The following USP25 variants were observed in gnomAD, a reference collection of about 807,000 sequenced individuals.
USP25 encodes the protein ubiquitin specific peptidase 25, also known as ubiquitin carboxyl-terminal hydrolase 25.
Under a neutral mutation model 158.5 loss-of-function variants are expected in USP25, and 85 were observed. The observed-to-expected ratio is 0.54, with a 90% confidence interval of 0.45 to 0.64. The LOEUF is 0.64. USP25 is among the 30% of genes least tolerant of loss of function. USP25 has a pLI of 0.00. For synonymous variants in USP25, 464 were observed against 460.4 expected, an observed-to-expected ratio of 1.01 and a Z score of -0.10; for missense variants, 1,242 against 1,327.3, an observed-to-expected ratio of 0.94 and a Z score of 1.00.
intron 1 of USP25, among the ~76,000 whole-genome samples, chr21:15,733,726 C>T (rs903130225): frequency 6.6e-6 from 1 of 152,166 alleles, no homozygotes; most frequent in African/African-American, 2.4e-5. Context: ...CCTGTAATCC[C>T]AGCTACTCAG....
intron 1 of USP25, among the ~76,000 whole-genome samples, chr21:15,752,572 G>C (rs1356329243): frequency 1.3e-5 from 2 of 152,220 alleles, no homozygotes; most frequent in East Asian, 3.8e-4. Flanking sequence ...GAAAGGTTGG[G>C]TGACAGGTAG....
In USP25 at chr21:15,741,965, A is replaced by G. The variant is rs140118512; in HGVS notation, c.45+11527A>G. On this transcript the variant is annotated intron_variant, in intron 1 of 25. Transcript: ENST00000400183. ...CATACATGAGAAATCTTTATGATAC[A>G]TATTTTATTACACCGTGTACAAAAA... Among the ~76,000 whole-genome samples the G allele has an allele frequency of 4.0e-3, 612 of 152,334 alleles. 1 individual carries two copies. The highest frequency in any genetic ancestry group is 7.1e-3 in the Non-Finnish European group (486 of 68,028).
At position 15,791,546 on chromosome 21, in the gene USP25, G is replaced by A. The variant is rs1334206029; in HGVS notation, c.437G>A (p.Arg146Lys). Residue 146 changes from arginine (R) to lysine (K), a missense_variant, in exon 5 of 26, where the codon AGG becomes AAG. This residue lies in a region of USP25 where 627 missense variants were observed against 701.4 expected (regional missense o/e 0.89). Coordinates refer to ENST00000400183, the MANE Select transcript of USP25 (RefSeq NM_001283041.3). ...SIAENKACLK[R>K]TPTEVWRDSR... Reference sequence around the variant, plus strand: ...GCAGAGAATAAAGCATGTTTGAAGAGGACACCTACAGAAGTTTGGAGGGAT... The same window carrying A: ...GCAGAGAATAAAGCATGTTTGAAGAAGACACCTACAGAAGTTTGGAGGGAT... 3.7e-6 allele frequency: 6 copies of A among 1,611,120 alleles called. No homozygotes were observed. Among genetic ancestry groups the A allele is most frequent in the Non-Finnish European group, 5.1e-6 (6 of 1,178,148 alleles).
intron 4 of USP25, among the ~76,000 whole-genome samples, chr21:15,783,139 C>G (rs2035061318): frequency 6.6e-6 from 1 of 151,046 alleles, no homozygotes; most frequent in Non-Finnish European, 1.5e-5. Flanking sequence ...CAGTAACAGA[C>G]TAGAACATGC....
In USP25 at chr21:15,866,253, GT is replaced by G. The variant is rs548694304; in HGVS notation, c.2727-4del. The G allele has an allele frequency of 3.6e-4, 532 of 1,471,058 alleles. 2 individuals carry two copies. In the East Asian group the frequency reaches 8.0e-3, roughly 22 times the overall value. The allele number at this position is 1,471,058 out of a possible 1,614,324, so 91.1% of individuals were successfully genotyped here. A position where few individuals can be genotyped will look rare whatever the true frequency, so the allele number is the denominator to read the frequency against. On this transcript the variant is annotated splice_polypyrimidine_tract_variant and intron_variant, in intron 21 of 25. Coordinates refer to ENST00000400183, the MANE Select transcript of USP25 (RefSeq NM_001283041.3). ...CATACACACACGCTCATATGTATGT[GT>G]TTTTTTTTAAGGTGTCACAACATAA...
In USP25 at chr21:15,826,455, T is replaced by C. The variant is rs1451097779; in HGVS notation, c.1466+90T>C. On this transcript the variant is annotated intron_variant, in intron 13 of 25. Coordinates refer to ENST00000400183, the MANE Select transcript of USP25 (RefSeq NM_001283041.3). The surrounding 1 kb of genome is among the most constrained non-coding windows in gnomAD (Gnocchi z 4.8). The stretch of plus-strand genomic sequence containing the variant: ...CTTTAAAGACAGTTTCTATAAAATG[T>C]ATGCTTTGATTTACTTCAGTGAACT... 4 of 1,456,172 alleles carry C rather than the reference T, an allele frequency of 2.7e-6. No individual in the cohort carries two copies. The highest frequency in any genetic ancestry group is 3.8e-6 in the Non-Finnish European group (4 of 1,061,178). The allele number at this position is 1,456,172 out of a possible 1,614,324, so 90.2% of individuals were successfully genotyped here.
At chr21:15,857,546 G>T (rs963838198) in intron 20 of USP25, among the ~76,000 whole-genome samples, 2 of 151,932 alleles carry the variant, frequency 1.3e-5, no homozygotes, top group Admixed American at 6.6e-5. Flanking sequence ...TTGGCAATTG[G>T]TATTTATGTT....
intron 4 of USP25, among the ~76,000 whole-genome samples, chr21:15,779,129 A>G (rs2034818021): frequency 6.6e-6 from 1 of 152,046 alleles, no homozygotes; most frequent in Admixed American, 6.5e-5. Context: ...AAGACATTAT[A>G]TTATGTAAAG....
intron 5 of USP25, among the ~76,000 whole-genome samples, chr21:15,793,537 G>A (rs1385559104): frequency 1.3e-5 from 2 of 150,928 alleles, no homozygotes; most frequent in Admixed American, 6.6e-5. Flanking sequence ...ACTAGTAATT[G>A]TACTAGTTTT....
In USP25 at chr21:15,831,526, A is replaced by T. The variant is rs201460168; in HGVS notation, c.1890A>T (p.Lys630Asn). Residue 630 changes from lysine (K) to asparagine (N), a missense_variant, in exon 16 of 26, where the codon AAA (lysine) becomes AAT (asparagine). By Grantham distance (94) the Lys-to-Asn change is moderately conservative. Coordinates refer to ENST00000400183, the MANE Select transcript of USP25 (RefSeq NM_001283041.3). The part of the protein sequence containing the change: ...WMKYNDIAVT[K>N]SSWEELVRDS... Reference sequence around the variant, plus strand: ...AGTACAATGATATTGCTGTGACAAAATCATCATGGGAAGAGCTAGTGAGGG... The same window carrying T: ...AGTACAATGATATTGCTGTGACAAATTCATCATGGGAAGAGCTAGTGAGGG... 1 of 1,614,130 alleles carries T rather than the reference A, an allele frequency of 6.2e-7. No homozygotes were observed. Among genetic ancestry groups the T allele is most frequent in the East Asian group, 2.2e-5 (1 of 44,868 alleles).
At chr21:15,830,670 T>A (rs577059477) in intron 15 of USP25, 69 bp downstream of exon 15, 2 of 1,207,540 alleles carry the variant, frequency 1.7e-6, no homozygotes, top group South Asian at 3.8e-5. Flanking sequence ...ACCTTTACAT[T>A]ATCTTAATCT....
At chr21:15,869,973 A>G in intron 22 of USP25, 95 bp from the exon 23 acceptor site, 3 of 846,504 alleles carry the variant, frequency 3.5e-6, no homozygotes, top group Non-Finnish European at 5.4e-6. Flanking sequence ...CTATTAATTC[A>G]GATAGTAGCG....
intron 3 of USP25, among the ~76,000 whole-genome samples, chr21:15,773,632 A>T (rs1222639342): frequency 6.6e-6 from 1 of 152,184 alleles, no homozygotes; most frequent in African/African-American, 2.4e-5. Context: ...TTCATAAAAA[A>T]CATGTCTAAG....
At chr21:15,802,875 G>A (rs2036200746) in intron 6 of USP25, among the ~76,000 whole-genome samples, 1 of 151,608 alleles carries the variant, frequency 6.6e-6, no homozygotes, top group Non-Finnish European at 1.5e-5. Flanking sequence ...ACTGCTTCTT[G>A]AGAAGATTGG....
intron 18 of USP25, among the ~76,000 whole-genome samples, chr21:15,844,143 A>G (rs1024285558): frequency 3.9e-5 from 6 of 152,084 alleles, no homozygotes; most frequent in African/African-American, 1.4e-4. Flanking sequence ...AGTTAGCCCC[A>G]TTGCATATGT....
chr21:15,787,908 C>CA (rs370415577), intron 4 of USP25, among the ~76,000 whole-genome samples: 1 of 145,714 alleles, frequency 6.9e-6, no homozygotes, highest in African/African-American at 2.5e-5. Context: ...CCTCACCCCC[C>CA]CCCCAAGTAA....
intron 8 of USP25, 82 bp from the exon 9 acceptor site, chr21:15,811,055 C>T: frequency 8.0e-7 from 1 of 1,251,012 alleles, no homozygotes; most frequent in East Asian, 2.4e-5. Flanking sequence ...TTTGTCTTGT[C>T]ATATGTTATA....
chr21:15,872,283 C>G (rs971987330), intron 23 of USP25, among the ~76,000 whole-genome samples: 4 of 152,030 alleles, frequency 2.6e-5, no homozygotes, highest in Non-Finnish European at 5.9e-5. Flanking sequence ...GGTAATTGGA[C>G]TGCTAAATCT....
At chr21:15,730,989 T>TG (rs1394058511) in intron 1 of USP25, among the ~76,000 whole-genome samples, 1 of 143,662 alleles carries the variant, frequency 7.0e-6, no homozygotes, top group Admixed American at 6.9e-5. Context: ...TTTTTTTTTT[T>TG]TTTTTTTTTT....
Sources: gnomAD v4.1 joint callset for allele counts (sites outside exome capture counted in the v4.1 genomes callset) on GRCh38, gnomAD v4.1.1 for gene constraint, gnomAD v4.1.1 regional missense constraint, Gnocchi (gnomAD v3.1) non-coding constraint, MANE v1.5 for transcripts, NCBI Gene and HGNC (gene_info 2026-07-23, HGNC 2026-07-21) for gene names.